The following VPS13C variants were observed in gnomAD, a reference collection of about 807,000 sequenced individuals.
The protein encoded by VPS13C is vacuolar protein sorting 13 homolog C.
In VPS13C, 358 loss-of-function variants were observed where a neutral mutation model predicts 456.8. The observed-to-expected ratio is 0.78, with a 90% CI of 0.72 to 0.86. The LOEUF (loss-of-function observed/expected upper bound fraction) is 0.86, where lower values mean the gene tolerates loss of function less well. VPS13C is among the 40% of genes least tolerant of loss of function. The probability of loss-of-function intolerance (pLI) is 0.00; values close to 1 mark genes in which losing one functional copy is unlikely to be tolerated. For synonymous variants in VPS13C, 1,578 were observed against 1,486.7 expected, an observed-to-expected ratio of 1.06 and a Z score of -1.41; for missense variants, 4,818 against 4,385.4, an observed-to-expected ratio of 1.10 and a Z score of -2.79.
intron 66 of VPS13C, among the ~76,000 whole-genome samples, chr15:61,900,660 A>G (rs1349418864): frequency 1.3e-5 from 2 of 151,294 alleles, no homozygotes; most frequent in East Asian, 1.9e-4. Context: ...GGAAGAATCA[A>G]TATCGTGAAA....
intron 66 of VPS13C, among the ~76,000 whole-genome samples, chr15:61,900,603 T>C (rs1255782781): frequency 6.6e-6 from 1 of 150,984 alleles, no homozygotes; most frequent in Non-Finnish European, 1.5e-5. Context: ...CTCAAGGAAA[T>C]AAAAGAGGAT....
Position 61,913,361 on chromosome 15 carries a change from C to G in VPS13C, c.8500G>C (p.Val2834Leu), listed in dbSNP as rs577071462. ...CACTTCACACACCCATAACTTCCCA[C>G]TGTATCCAATGAGAAACTACTGGAC... ...AWSSSFSLDT[V>L]GSYGCVKCPA... is the part of the protein sequence containing the mutation. The change falls in exon 62 of 85, where the codon GTG becomes CTG. Residue 2834 changes from valine (V) to leucine (L), a missense_variant. Physicochemically the swap from Val to Leu is conservative, Grantham distance 32. Coordinates refer to ENST00000644861, the MANE Select transcript of VPS13C (RefSeq NM_020821.3). 33 of 1,614,114 alleles carry G rather than the reference C, an allele frequency of 2.0e-5. No individual in the cohort carries two copies. The South Asian group carries it at 3.2e-4, about 16-fold the overall frequency.
intron 64 of VPS13C, 124 bp from the exon 65 acceptor site, chr15:61,909,249 C>T (rs1476966145): frequency 1.7e-5 from 21 of 1,260,186 alleles, no homozygotes; most frequent in Non-Finnish European, 2.3e-5. Flanking sequence ...TTGCTGTCAC[C>T]CAGGCTGGAG....
intron 53 of VPS13C, among the ~76,000 whole-genome samples, chr15:61,924,451 C>T (rs541450985): frequency 3.3e-5 from 5 of 152,260 alleles, no homozygotes; most frequent in African/African-American, 1.2e-4. Flanking sequence ...ACAGCAGGGG[C>T]TACATATCCC....
Position 61,931,176 on chromosome 15 carries a change from A to G in VPS13C, c.5952T>C (p.Phe1984=). The G allele has an allele frequency of 6.2e-7, 1 of 1,614,198 alleles. No homozygotes were observed. ...CGCTGACATTCATTGAGCCATCCTT[A>G]AACATCTTCCCTGAGGAGGCCATAA... The part of the protein sequence containing the change: ...LHLMASSGKM[F]KDGSMNVSVK... Residue 1984 remains phenylalanine, a synonymous_variant, in exon 50 of 85, where the codon TTT becomes TTC. Coordinates refer to ENST00000644861, the MANE Select transcript of VPS13C (RefSeq NM_020821.3).
intron 42 of VPS13C, among the ~76,000 whole-genome samples, chr15:61,948,257 T>C (rs530477158): frequency 3.3e-5 from 5 of 152,280 alleles, no homozygotes; most frequent in African/African-American, 1.2e-4. Context: ...TATGCATATA[T>C]AATATAAAGG....
chr15:62,010,756 C>T (rs1196459619), intron 12 of VPS13C, among the ~76,000 whole-genome samples, 157 bp from the exon 13 acceptor site: 2 of 152,156 alleles, frequency 1.3e-5, no homozygotes, highest in African/African-American at 2.4e-5. Flanking sequence ...GCAATTTAAG[C>T]TTCTACTTAT....
intron 1 of VPS13C, among the ~76,000 whole-genome samples, chr15:62,057,221 A>C (rs1397898969): frequency 6.6e-6 from 1 of 152,066 alleles, no homozygotes; most frequent in Non-Finnish European, 1.5e-5. Flanking sequence ...CAAAAAAAAA[A>C]CTCTGTGAAC....
Position 61,991,700 on chromosome 15 carries a change from T to G in VPS13C, c.1456A>C (p.Lys486Gln). 2 of 1,612,570 alleles carry G rather than the reference T, an allele frequency of 1.2e-6. No homozygotes were observed. Among genetic ancestry groups the G allele is most frequent in the Non-Finnish European group, 1.7e-6 (2 of 1,179,182 alleles). Residue 486 changes from lysine (K) to glutamine (Q), a missense_variant, in exon 17 of 85, where the codon AAG becomes CAG. By Grantham distance (53) the Lys-to-Gln change is moderately conservative. This residue lies in a region of VPS13C where 4,552 missense variants were observed against 4,130.6 expected (regional missense o/e 1.10). Coordinates refer to ENST00000644861, the MANE Select transcript of VPS13C (RefSeq NM_020821.3). ...GLWGKKESKK[K>Q]DEESLIPETI... ...TCAGGAATCAATGATTCTTCGTCCT[T>G]TTTCTTAGACTCTTTCTTACCCCAC...
At position 61,891,174 on chromosome 15, in the gene VPS13C, A is replaced by G. The variant is rs184676299; in HGVS notation, c.9106-774T>C. 1.1e-3 allele frequency among the ~76,000 whole-genome samples: 175 copies of G among 152,368 alleles called. 1 individual carries two copies. Among genetic ancestry groups the G allele is most frequent in the South Asian group, 1.9e-3 (9 of 4,830 alleles). On this transcript the variant is annotated intron_variant, in intron 66 of 84. Transcript: ENST00000644861. Reference sequence around the variant, plus strand: ...GTGAAGGTTATATGTAGCACTTAAAAATATGAGGCTTGATTTGGTCAGTGT... The same window carrying G: ...GTGAAGGTTATATGTAGCACTTAAAGATATGAGGCTTGATTTGGTCAGTGT...
In VPS13C at chr15:61,936,627, C is replaced by T. The variant is rs748502919; in HGVS notation, c.5725G>A (p.Asp1909Asn). The T allele has an allele frequency of 1.3e-6, 2 of 1,583,818 alleles. No individual in the cohort carries two copies. The highest frequency in any genetic ancestry group is 3.8e-5 in the Admixed American group (2 of 53,294). The change falls in exon 48 of 85, where the codon GAT (aspartate) becomes AAT (asparagine). Residue 1909 changes from aspartate (D) to asparagine (N), a missense_variant. Physicochemically the swap from Asp to Asn is conservative, Grantham distance 23. Coordinates refer to ENST00000644861, the MANE Select transcript of VPS13C (RefSeq NM_020821.3). ...AGATGGTCAGGTACACTTGAAACAT[C>T]AACTTTTCTCACTCTTACAGTCTCC... ...VQETVRVRKV[D>N]VSSVPDHLKE...
chr15:62,060,234 C>A, intron 1 of VPS13C, 41 bp downstream of exon 1: 1 of 1,255,592 alleles, frequency 8.0e-7, no homozygotes, highest in East Asian at 2.5e-5. Context: ...TCGGCTGGGC[C>A]CTCAGCGCCC....
At chr15:61,935,128 A>T (rs1330697432) in intron 48 of VPS13C, among the ~76,000 whole-genome samples, 1 of 152,182 alleles carries the variant, frequency 6.6e-6, no homozygotes, top group East Asian at 1.9e-4. Context: ...TAGCAAAATC[A>T]AACAGAGTTC....
At chr15:62,010,638 C>A (rs375195584) in intron 12 of VPS13C, 39 bp from the exon 13 acceptor site, 14 of 1,528,340 alleles carry the variant, frequency 9.2e-6, no homozygotes, top group South Asian at 1.3e-5. Flanking sequence ...TGTTCATATG[C>A]TTTTACATAT....
intron 1 of VPS13C, among the ~76,000 whole-genome samples, chr15:62,046,492 G>C (rs923862654): frequency 6.6e-6 from 1 of 152,136 alleles, no homozygotes; most frequent in African/African-American, 2.4e-5. Context: ...GTCTATTCTA[G>C]CCTACAGGGT....
At chr15:62,052,627 T>G (rs930201775) in intron 1 of VPS13C, among the ~76,000 whole-genome samples, 4 of 146,128 alleles carry the variant, frequency 2.7e-5, no homozygotes, top group Non-Finnish European at 4.5e-5. Flanking sequence ...GAGCCGAGAT[T>G]GTGCCACTGC....
intron 58 of VPS13C, 146 bp from the exon 59 acceptor site, chr15:61,918,403 G>A (rs2043542413): frequency 1.5e-6 from 1 of 681,092 alleles, no homozygotes; most frequent in East Asian, 3.2e-5. Context: ...AAAATTTTAG[G>A]GTATTTAAGT....
chr15:61,919,308 G>A lies in VPS13C; in HGVS notation c.7619C>T (p.Thr2540Ile). Residue 2540 changes from threonine to isoleucine, a missense_variant, in exon 58 of 85, where the codon ACC (threonine) becomes ATC (isoleucine). Thr to Ile is a moderately conservative substitution (Grantham distance 89). Coordinates refer to ENST00000644861, the MANE Select transcript of VPS13C (RefSeq NM_020821.3). ...TATTACCTGTAGAGGAGAGCGAAGG[G>A]TAATTACTTTATTCCCTTCAGTTGC... Reference protein sequence around the residue: ...IDATEGNKVITLRSPLQIKNH... With the variant: ...IDATEGNKVIILRSPLQIKNH... The A allele has an allele frequency of 6.2e-7, 1 of 1,604,192 alleles. No homozygotes were observed. Among genetic ancestry groups the A allele is most frequent in the Non-Finnish European group, 8.5e-7 (1 of 1,175,796 alleles).
intron 14 of VPS13C, among the ~76,000 whole-genome samples, chr15:62,008,404 A>G (rs143045086): frequency 9.5e-4 from 144 of 152,280 alleles, no homozygotes; most frequent in African/African-American, 3.4e-3. Flanking sequence ...ATCTCAAAAA[A>G]AAAAAGAATT....
Sources: allele counts gnomAD v4.1 joint callset (sites outside exome capture counted in the v4.1 genomes callset), GRCh38; gene constraint gnomAD v4.1.1; regional missense constraint gnomAD v4.1.1; transcripts MANE v1.5; gene names NCBI Gene and HGNC (gene_info 2026-07-23, HGNC 2026-07-21).